Variants in LRP1B observed in about 807,000 individuals in gnomAD.
The protein encoded by LRP1B is LDL receptor related protein 1B.
In LRP1B, 217 loss-of-function variants were observed where a neutral mutation model predicts 556.6. That is an observed-to-expected ratio of 0.39 (90% CI 0.35 to 0.44). The LOEUF is 0.44. Among genes scored for constraint, LRP1B ranks in the 20% least tolerant of loss-of-function variants. LRP1B has a pLI of 1.00. For synonymous variants in LRP1B, 2,047 were observed against 1,865.8 expected (o/e 1.10, Z -2.50); for missense variants, 5,053 against 5,620.8 (o/e 0.90, Z 3.23).
intron 3 of LRP1B, among the ~76,000 whole-genome samples, chr2:141,396,845 G>A (rs1037762113): frequency 1.3e-5 from 2 of 151,968 alleles, no homozygotes; most frequent in African/African-American, 4.8e-5. Context: ...ATGCGTGGCC[G>A]GGCACAACGG....
intron 88 of LRP1B, 138 bp downstream of exon 88, chr2:140,239,303 TA>T (rs1680847617): frequency 3.8e-6 from 2 of 530,810 alleles, no homozygotes; most frequent in Admixed American, 3.7e-5. Context: ...AAGAGAGGTA[TA>T]AAATGATTTG....
chr2:140,755,034 G>T (rs1688699362), intron 35 of LRP1B, among the ~76,000 whole-genome samples: 1 of 144,894 alleles, frequency 6.9e-6, no homozygotes, highest in Admixed American at 6.9e-5. Flanking sequence ...AAATATAAGG[G>T]AATACCATGA....
chr2:141,482,816 C>T (rs1682972460), intron 2 of LRP1B, among the ~76,000 whole-genome samples: 1 of 151,970 alleles, frequency 6.6e-6, no homozygotes, highest in African/African-American at 2.4e-5. Context: ...ATATTTAGAC[C>T]TTTCTGTAAA....
chr2:141,263,485 T>C (rs1684775947), intron 3 of LRP1B, among the ~76,000 whole-genome samples: 1 of 152,042 alleles, frequency 6.6e-6, no homozygotes, highest in Admixed American at 6.6e-5. Context: ...TGAATATCCC[T>C]ATATATATAG....
At chr2:141,118,004 T>G (rs1189447962) in intron 7 of LRP1B, among the ~76,000 whole-genome samples, 1 of 151,972 alleles carries the variant, frequency 6.6e-6, no homozygotes, top group East Asian at 1.9e-4. Context: ...CTAAACTGTC[T>G]TTGTTCAGTG....
At chr2:140,424,420 T>C (rs911468608) in intron 66 of LRP1B, among the ~76,000 whole-genome samples, 3 of 152,210 alleles carry the variant, frequency 2.0e-5, no homozygotes, top group Non-Finnish European at 2.9e-5. Flanking sequence ...GGATTCATGA[T>C]ACAGCTGTGG....
intron 32 of LRP1B, among the ~76,000 whole-genome samples, chr2:140,811,041 T>G (rs1203097526): frequency 4.7e-5 from 7 of 150,120 alleles, no homozygotes; most frequent in South Asian, 2.1e-4. Flanking sequence ...GGCCAAGAGG[T>G]TTTTTTTTGT....
intron 38 of LRP1B, 23 bp from the exon 39 acceptor site, chr2:140,702,315 C>G (rs752800133): frequency 1.2e-6 from 2 of 1,611,252 alleles, no homozygotes; most frequent in Admixed American, 3.4e-5. Flanking sequence ...TAAGAAGTAA[C>G]GTTACAGACT....
At chr2:141,321,844 G>A (rs1169001755) in intron 3 of LRP1B, among the ~76,000 whole-genome samples, 1 of 152,092 alleles carries the variant, frequency 6.6e-6, no homozygotes, top group East Asian at 1.9e-4. Flanking sequence ...TACCCACAAT[G>A]TTGGTAAAAT....
intron 9 of LRP1B, among the ~76,000 whole-genome samples, chr2:141,056,994 C>T (rs1348348180): frequency 6.6e-6 from 1 of 151,750 alleles, no homozygotes; most frequent in Non-Finnish European, 1.5e-5. Flanking sequence ...ATTTATACTC[C>T]ACCTCTAATG....
At chr2:141,688,950 A>G (rs953651155) in intron 2 of LRP1B, among the ~76,000 whole-genome samples, 2 of 151,824 alleles carry the variant, frequency 1.3e-5, no homozygotes, top group African/African-American at 4.8e-5. Flanking sequence ...CTGGCTTTTG[A>G]CTATTTCCAA....
Position 140,709,758 on chromosome 2 carries a change from A to G in LRP1B, c.6023+6215T>C, listed in dbSNP as rs1328792005. ...TTAACTTCAAACAGAATATTAAAGT[A>G]CTGTACTTTATTCCTATGATATAAA... On this transcript the variant is annotated intron_variant, in intron 37 of 90. Coordinates refer to ENST00000389484, the MANE Select transcript of LRP1B (RefSeq NM_018557.3). Among the ~76,000 whole-genome samples, 13 of 146,826 alleles carry G rather than the reference A, an allele frequency of 8.9e-5. No homozygotes were observed. The Admixed American group carries it at 8.9e-4, about 10-fold the overall frequency.
At chr2:141,926,227 T>C (rs1445525540) in intron 1 of LRP1B, among the ~76,000 whole-genome samples, 1 of 152,230 alleles carries the variant, frequency 6.6e-6, no homozygotes, top group African/African-American at 2.4e-5. Flanking sequence ...CTGATCCTTG[T>C]TGCGAGAAAG....
At chr2:142,065,236 T>C (rs1280051039) in intron 1 of LRP1B, among the ~76,000 whole-genome samples, 2 of 151,502 alleles carry the variant, frequency 1.3e-5, no homozygotes, top group Non-Finnish European at 3.0e-5. Flanking sequence ...TTATCTTACA[T>C]TTCAGAAATC....
intron 3 of LRP1B, among the ~76,000 whole-genome samples, chr2:141,317,326 G>T (rs530077067): frequency 6.6e-6 from 1 of 152,254 alleles, no homozygotes; most frequent in East Asian, 1.9e-4. Context: ...CAATCAATGT[G>T]TCCGCTGGGT....
intron 32 of LRP1B, among the ~76,000 whole-genome samples, chr2:140,804,106 C>T (rs1324160023): frequency 6.6e-6 from 1 of 151,496 alleles, no homozygotes; most frequent in Non-Finnish European, 1.5e-5. Context: ...ACATGTAAAG[C>T]GGACTTGCAT....
intron 85 of LRP1B, among the ~76,000 whole-genome samples, chr2:140,272,258 A>AAC (rs10654741): frequency 0.076 from 11,341 of 149,300 alleles, 482 homozygotes; most frequent in African/African-American, 0.11. Context: ...TGCACACACA[A>AAC]ACACACACAC....
chr2:141,256,238 G>A (rs1002438979), intron 3 of LRP1B, among the ~76,000 whole-genome samples: 1 of 151,870 alleles, frequency 6.6e-6, no homozygotes, highest in Admixed American at 6.6e-5. Context: ...AGTTTGGATA[G>A]ACAAAATTAA....
chr2:141,591,002 G>A (rs1475966988), intron 2 of LRP1B, among the ~76,000 whole-genome samples: 1 of 152,094 alleles, frequency 6.6e-6, no homozygotes, highest in Non-Finnish European at 1.5e-5. Context: ...TGTTTTTGAA[G>A]CCCGAGCCAT....
Sources: allele counts gnomAD v4.1 joint callset (sites outside exome capture counted in the v4.1 genomes callset), GRCh38; gene constraint gnomAD v4.1.1; transcripts MANE v1.5; gene names NCBI Gene and HGNC (gene_info 2026-07-23, HGNC 2026-07-21).